NAV3: variants seen among roughly 807,000 people sequenced by gnomAD.
NAV3 encodes the protein pore membrane and/or filament interacting like protein 1.
NAV3 carries 87 observed loss-of-function variants against 244.7 expected under a neutral mutation model. The ratio of observed to expected loss-of-function variants is 0.36; its 90% CI spans 0.30 to 0.42. The LOEUF (loss-of-function observed/expected upper bound fraction) is 0.42. NAV3 is among the 20% of genes least tolerant of loss of function. The pLI is 1.00. For synonymous variants in NAV3, 1,126 were observed against 1,042.2 expected (o/e 1.08, Z -1.55); for missense variants, 2,663 against 2,893.3 (o/e 0.92, Z 1.83).
intron 2 of NAV3, among the ~76,000 whole-genome samples, chr12:77,782,449 A>G (rs1233526064): frequency 6.6e-6 from 1 of 152,156 alleles, no homozygotes; most frequent in Non-Finnish European, 1.5e-5. Context: ...TTAGTTAGAA[A>G]AGCTTATGAT....
intron 18 of NAV3, among the ~76,000 whole-genome samples, chr12:78,132,019 C>T (rs1035564188): frequency 1.3e-5 from 2 of 152,086 alleles, no homozygotes; most frequent in Non-Finnish European, 1.5e-5. Context: ...AAAACTATGA[C>T]ATTGTTATCA....
intron 2 of NAV3, among the ~76,000 whole-genome samples, chr12:77,770,044 A>C (rs941356350): frequency 1.3e-5 from 2 of 152,268 alleles, no homozygotes; most frequent in East Asian, 3.9e-4. Context: ...TTTTAGAAAA[A>C]ATGGTGGCTT....
intron 7 of NAV3, among the ~76,000 whole-genome samples, chr12:78,000,477 A>G (rs1406240590): frequency 1.3e-5 from 2 of 151,444 alleles, no homozygotes; most frequent in Admixed American, 6.6e-5. Flanking sequence ...CAAACGAGGT[A>G]ATAATATATT....
intron 39 of NAV3, among the ~76,000 whole-genome samples, chr12:78,206,854 CTTTTTTTTTT>C (rs10594185): frequency 1.7e-5 from 2 of 114,840 alleles, no homozygotes; most frequent in Admixed American, 2.0e-4. Context: ...TTCTTTCTTA[CTTTTTTTTTT>C]TTTTTTTTTT....
intron 2 of NAV3, among the ~76,000 whole-genome samples, chr12:77,693,062 G>T (rs991537310): frequency 6.6e-6 from 1 of 152,054 alleles, no homozygotes; most frequent in African/African-American, 2.4e-5. Flanking sequence ...CCAAAAAATA[G>T]AAAGAAAGCC....
At chr12:77,692,316 A>G (rs1257934362) in intron 2 of NAV3, among the ~76,000 whole-genome samples, 1 of 152,082 alleles carries the variant, frequency 6.6e-6, no homozygotes, top group Non-Finnish European at 1.5e-5. Flanking sequence ...AGTTTATTTT[A>G]TAATAGCATT....
intron 12 of NAV3, among the ~76,000 whole-genome samples, chr12:78,086,573 A>G (rs1286192653): frequency 6.6e-6 from 1 of 152,034 alleles, no homozygotes; most frequent in African/African-American, 2.4e-5. Flanking sequence ...CAATGTGGAT[A>G]CTATTTACCT....
chr12:77,653,650 T>C (rs2137000091), intron 2 of NAV3, among the ~76,000 whole-genome samples: 1 of 152,320 alleles, frequency 6.6e-6, no homozygotes, highest in Non-Finnish European at 1.5e-5. Flanking sequence ...CTTGAGTTTC[T>C]TCTTGAAATG....
chr12:78,069,143 AT>A (rs1037901727), intron 12 of NAV3, among the ~76,000 whole-genome samples: 5 of 151,764 alleles, frequency 3.3e-5, no homozygotes, highest in East Asian at 1.9e-4. Flanking sequence ...TTCCATTTAT[AT>A]TTTTTTCTTG....
chr12:77,595,671 A>G (rs1461266984), intron 2 of NAV3, among the ~76,000 whole-genome samples: 2 of 152,174 alleles, frequency 1.3e-5, no homozygotes, highest in African/African-American at 4.8e-5. Context: ...TCATTACAAA[A>G]AAGAACATAT....
At chr12:77,808,875 G>C (rs566210141) in intron 2 of NAV3, among the ~76,000 whole-genome samples, 1 of 152,186 alleles carries the variant, frequency 6.6e-6, no homozygotes, top group Non-Finnish European at 1.5e-5. Flanking sequence ...TGCCGTCTCA[G>C]AGAGGAGGAA....
chr12:78,111,974 AAACTAAATAATCT>A (rs1955115797), intron 12 of NAV3, among the ~76,000 whole-genome samples: 1 of 152,340 alleles, frequency 6.6e-6, no homozygotes, highest in South Asian at 2.1e-4. Context: ...TCCACGTTGC[AAACTAAATAATCT>A]ACGTTGGCTA....
intron 1 of NAV3, among the ~76,000 whole-genome samples, chr12:77,859,850 C>T (rs2136323228): frequency 6.7e-6 from 1 of 149,506 alleles, no homozygotes; most frequent in South Asian, 2.1e-4. Context: ...ATAATTTTGC[C>T]CTGAATTTGA....
At chr12:78,152,062 T>A (rs930321375) in intron 22 of NAV3, among the ~76,000 whole-genome samples, 1 of 151,616 alleles carries the variant, frequency 6.6e-6, no homozygotes, top group Non-Finnish European at 1.5e-5. Flanking sequence ...GCTTTTAATT[T>A]CCCAGGAGTT....
At chr12:78,029,595 C>T (rs537439302) in intron 9 of NAV3, among the ~76,000 whole-genome samples, 1 of 152,188 alleles carries the variant, frequency 6.6e-6, no homozygotes, top group East Asian at 1.9e-4. Flanking sequence ...CTTCCCAGTC[C>T]CTCAACTGCT....
At chr12:77,623,196 G>A (rs911543481) in intron 2 of NAV3, among the ~76,000 whole-genome samples, 1 of 151,956 alleles carries the variant, frequency 6.6e-6, no homozygotes, top group Non-Finnish European at 1.5e-5. Context: ...ATATTTTTCT[G>A]TAACTGAAAA....
At chr12:78,138,351 A>G (rs1956463008) in intron 19 of NAV3, among the ~76,000 whole-genome samples, 1 of 152,106 alleles carries the variant, frequency 6.6e-6, no homozygotes, top group South Asian at 2.1e-4. Flanking sequence ...AACAAAGAAT[A>G]ATTCTGTTCC....
intron 2 of NAV3, among the ~76,000 whole-genome samples, chr12:77,779,892 A>G (rs1448288648): frequency 2.0e-5 from 3 of 152,228 alleles, no homozygotes; most frequent in Non-Finnish European, 2.9e-5. Flanking sequence ...TGCATCTTAA[A>G]CAGTTGAATA....
intron 12 of NAV3, among the ~76,000 whole-genome samples, chr12:78,101,307 A>G (rs1320166415): frequency 6.6e-6 from 1 of 152,206 alleles, no homozygotes; most frequent in Non-Finnish European, 1.5e-5. Context: ...TGGAAGAGGT[A>G]AAGTGTCCTT....
Sources: gnomAD v4.1 joint callset for allele counts (sites outside exome capture counted in the v4.1 genomes callset) on GRCh38, gnomAD v4.1.1 for gene constraint, MANE v1.5 for transcripts, NCBI Gene and HGNC (gene_info 2026-07-23, HGNC 2026-07-21) for gene names.